TECPR2: variants seen among roughly 807,000 people sequenced by gnomAD.
TECPR2 encodes tectonin beta-propeller repeat-containing protein 2.
Under a neutral mutation model 138.1 loss-of-function variants are expected in TECPR2, and 65 were observed. That is an observed-to-expected ratio of 0.47 (90% CI 0.39 to 0.58). TECPR2 has a LOEUF of 0.58. Ranked by LOEUF, TECPR2 falls within the 20% of genes least tolerant of loss-of-function variation. TECPR2 has a pLI of 0.00. For missense variants in TECPR2, 1,553 were observed against 1,824.5 expected, an observed-to-expected ratio of 0.85 and a Z score of 2.71; for synonymous variants, 746 against 749.8, an observed-to-expected ratio of 0.99 and a Z score of 0.08.
At chr14:102,401,112 A>G (rs779120629) in intron 2 of TECPR2, among the ~76,000 whole-genome samples, 1 of 152,076 alleles carries the variant, frequency 6.6e-6, no homozygotes, top group Non-Finnish European at 1.5e-5. Context: ...TAAACTCTCC[A>G]ATCAAAAGAC....
intron 2 of TECPR2, among the ~76,000 whole-genome samples, chr14:102,381,245 G>T (rs1174427350): frequency 6.6e-6 from 1 of 152,210 alleles, no homozygotes; most frequent in Admixed American, 6.5e-5. Context: ...ACAGCTGTGA[G>T]CCACTGCGCC....
chr14:102,418,918 G>A (rs1419883067), intron 5 of TECPR2, among the ~76,000 whole-genome samples: 2 of 152,168 alleles, frequency 1.3e-5, no homozygotes, highest in Non-Finnish European at 2.9e-5. Flanking sequence ...TGGACATGCT[G>A]TGGATTGACG....
intron 17 of TECPR2, among the ~76,000 whole-genome samples, chr14:102,481,520 C>T (rs1324916641): frequency 1.3e-5 from 2 of 152,182 alleles, no homozygotes; most frequent in African/African-American, 4.8e-5. Context: ...GTCCCACCTA[C>T]TCAGGAGGCT....
At chr14:102,437,537 G>A (rs1889700717) in intron 9 of TECPR2, among the ~76,000 whole-genome samples, 1 of 151,646 alleles carries the variant, frequency 6.6e-6, no homozygotes, top group Admixed American at 6.6e-5. Flanking sequence ...CTGGGCGACA[G>A]AGCGAGTCTC....
At chr14:102,437,138 T>C in intron 9 of TECPR2, 1 of 985,448 alleles carries the variant, frequency 1.0e-6, no homozygotes, top group Non-Finnish European at 1.2e-6. Context: ...TTGGGCACCA[T>C]TTTCTTTGAA....
intron 4 of TECPR2, 42 bp downstream of exon 4, chr14:102,408,661 A>G: frequency 1.9e-6 from 3 of 1,553,614 alleles, no homozygotes; most frequent in Non-Finnish European, 2.6e-6. Context: ...TTACCTTCTT[A>G]CATTTGGAAA....
chr14:102,466,463 C>T (rs552870641), intron 17 of TECPR2, among the ~76,000 whole-genome samples: 1 of 152,168 alleles, frequency 6.6e-6, no homozygotes, highest in South Asian at 2.1e-4. Flanking sequence ...GGAGAGTCCA[C>T]CCTGCAGAGA....
At chr14:102,483,611 T>C (rs1182217731) in intron 17 of TECPR2, among the ~76,000 whole-genome samples, 1 of 151,322 alleles carries the variant, frequency 6.6e-6, no homozygotes, top group Non-Finnish European at 1.5e-5. Flanking sequence ...CAGCTAATTT[T>C]TTTATTATTT....
intron 2 of TECPR2, among the ~76,000 whole-genome samples, chr14:102,381,544 A>C (rs1230936457): frequency 6.6e-6 from 1 of 152,248 alleles, no homozygotes; most frequent in Non-Finnish European, 1.5e-5. Flanking sequence ...AGTGCACTCC[A>C]GCCTAGGCGA....
intron 16 of TECPR2, among the ~76,000 whole-genome samples, chr14:102,453,956 C>T (rs1890216150): frequency 6.6e-6 from 1 of 152,046 alleles, no homozygotes; most frequent in Non-Finnish European, 1.5e-5. Context: ...CAAGACCAAC[C>T]TGGCCAACAT....
intron 2 of TECPR2, among the ~76,000 whole-genome samples, chr14:102,402,187 C>T (rs1888511564): frequency 6.6e-6 from 1 of 152,050 alleles, no homozygotes; most frequent in Non-Finnish European, 1.5e-5. Context: ...AAAAGATATA[C>T]AAAGTATGTT....
At chr14:102,384,606 G>A (rs1170189950) in intron 2 of TECPR2, among the ~76,000 whole-genome samples, 1 of 151,672 alleles carries the variant, frequency 6.6e-6, no homozygotes, top group Non-Finnish European at 1.5e-5. Flanking sequence ...GAACCCGGGA[G>A]GCGGAGATTG....
rs748447024 is a variant in TECPR2 at position 102,450,540 on chromosome 14, T to C, written c.3317-20T>C. On this transcript the variant is annotated intron_variant, in intron 14 of 19. Transcript: ENST00000359520. ...TATGCTTTCTTTCTTTAACACATTC[T>C]TCCTATTTACTCTTTCCAGGCACCT... 9 of 1,613,052 alleles carry C rather than the reference T, an allele frequency of 5.6e-6. No individual in the cohort carries two copies. In the South Asian group the frequency reaches 9.9e-5, roughly 18 times the overall value.
In TECPR2 at chr14:102,424,954, C is replaced by T. The variant is rs1395585772; in HGVS notation, c.639-25C>T. On this transcript the variant is annotated intron_variant, in intron 5 of 19. Transcript: ENST00000359520. ...AATCAGTCCATGTCTGTTTTTTGTT[C>T]TTTCTTTCTTTCTTCTAATTTTAGT... 116 of 1,553,174 alleles carry T rather than the reference C, an allele frequency of 7.5e-5. No homozygotes were observed. The Admixed American group carries it at 8.1e-4, about 11-fold the overall frequency.
intron 1 of TECPR2, among the ~76,000 whole-genome samples, chr14:102,375,777 C>G (rs1424563980): frequency 6.6e-6 from 1 of 152,130 alleles, no homozygotes; most frequent in African/African-American, 2.4e-5. Context: ...GTGCTGTTGT[C>G]AAGAGCCTAG....
In TECPR2 at chr14:102,425,265, A is replaced by G. The variant is rs1889285937; in HGVS notation, c.925A>G (p.Ile309Val). Residue 309 changes from isoleucine to valine, a missense_variant, in exon 6 of 20, where the codon ATC (isoleucine) becomes GTC (valine). Physicochemically the swap from Ile to Val is conservative, Grantham distance 29. Coordinates refer to ENST00000359520, the MANE Select transcript of TECPR2 (RefSeq NM_014844.5). ...GGTGCTGAGTTGGAATGAATATAGT[A>G]TCTATCTCCTAGACACAGTCAACCA... is the stretch of plus-strand genomic sequence containing the variant. ...GWVLSWNEYS[I>V]YLLDTVNQAT... The G allele has an allele frequency of 6.2e-7, 1 of 1,606,032 alleles. No homozygotes were observed. The highest frequency in any genetic ancestry group is 1.7e-4 in the Middle Eastern group (1 of 6,026).
intron 16 of TECPR2, among the ~76,000 whole-genome samples, chr14:102,463,146 C>T (rs966865561): frequency 1.3e-5 from 2 of 152,230 alleles, no homozygotes; most frequent in East Asian, 3.9e-4. Flanking sequence ...ACAGGCCGGG[C>T]GCAGTGGCTC....
intron 2 of TECPR2, among the ~76,000 whole-genome samples, chr14:102,398,101 AAG>A (rs1481976422): frequency 6.6e-6 from 1 of 151,248 alleles, no homozygotes; most frequent in Non-Finnish European, 1.5e-5. Context: ...AGAAAAAAGA[AAG>A]AAAAGAAAAA....
chr14:102,493,130 C>T (rs1891193509), intron 17 of TECPR2, among the ~76,000 whole-genome samples: 1 of 152,232 alleles, frequency 6.6e-6, no homozygotes, highest in Non-Finnish European at 1.5e-5. Flanking sequence ...ACAGTCATCT[C>T]CTCCTCTCTC....
Sources: allele counts gnomAD v4.1 joint callset (sites outside exome capture counted in the v4.1 genomes callset), GRCh38; gene constraint gnomAD v4.1.1; transcripts MANE v1.5; gene names NCBI Gene and HGNC (gene_info 2026-07-23, HGNC 2026-07-21).